HERC2: variants seen among roughly 807,000 people sequenced by gnomAD.
HERC2 encodes the protein E3 ubiquitin-protein ligase HERC2.
HERC2 carries 102 observed loss-of-function variants against 537.7 expected under a neutral mutation model. The observed-to-expected ratio is 0.19, with a 90% confidence interval of 0.16 to 0.22. The LOEUF (loss-of-function observed/expected upper bound fraction) is 0.22. Among genes scored for constraint, HERC2 ranks in the 10% least tolerant of loss-of-function variants. The probability of loss-of-function intolerance (pLI) is 1.00; values close to 1 mark genes in which losing one functional copy is unlikely to be tolerated. For missense variants in HERC2, 4,236 were observed against 6,198.2 expected (o/e 0.68, Z 10.63); for synonymous variants, 2,224 against 2,466.2 (o/e 0.90, Z 2.91).
chr15:28,316,463 G>C (rs2077088760), intron 2 of HERC2, among the ~76,000 whole-genome samples: 1 of 151,968 alleles, frequency 6.6e-6, no homozygotes, highest in Admixed American at 6.6e-5. Context: ...AACAAAGAAA[G>C]ACCCTGCCTC....
rs185936147 is a variant in HERC2, at chr15:28,307,612, T to C, written c.73-8096A>G. ...ATTTCTTCACTGACCTGTTGGTCAT[T>C]CAGGAGCATATTGTTTAATTCCCAT... is the stretch of plus-strand genomic sequence containing the variant. On this transcript the variant is annotated intron_variant, in intron 2 of 92. Transcript: ENST00000261609. Among the ~76,000 whole-genome samples, 405 of 152,368 alleles carry C rather than the reference T, an allele frequency of 2.7e-3. 2 individuals carry two copies. Among genetic ancestry groups the C allele is most frequent in the Non-Finnish European group, 4.2e-3 (284 of 68,036 alleles).
At position 28,257,115 on chromosome 15, in the gene HERC2, C is replaced by T. The variant is rs139813405; in HGVS notation, c.2463G>A (p.Pro821=). 93 of 1,613,590 alleles carry T rather than the reference C, an allele frequency of 5.8e-5. No individual in the cohort carries two copies. The African/African-American group carries it at 9.7e-4, about 17-fold the overall frequency. The change falls in exon 17 of 93, where the codon CCG becomes CCA. Residue 821 remains proline (P), a synonymous_variant. Transcript: ENST00000261609. The part of the protein sequence containing the change: ...EGMDGSADWP[P]PQEKECVAVA... Reference sequence around the variant, plus strand: ...CGGCCACACACTCTTTCTCCTGGGGCGGGGGCCAGTCCGCGGAACCATCCA... The same window carrying T: ...CGGCCACACACTCTTTCTCCTGGGGTGGGGGCCAGTCCGCGGAACCATCCA...
chr15:28,111,125 T>C lies in HERC2; in HGVS notation c.*638A>G, dbSNP rs1327403943. ...ATTATATATAGTACACTTTCCATGA[T>C]AGAAGTTATGATGCTGTTCACAGAA... On this transcript the variant is annotated 3_prime_UTR_variant, in exon 93 of 93. Transcript: ENST00000261609. The C allele has an allele frequency of 2.0e-5, 3 of 152,400 alleles. No individual in the cohort carries two copies. Among genetic ancestry groups the C allele is most frequent in the Non-Finnish European group, 4.4e-5 (3 of 68,160 alleles). The allele number at this position is 152,400 out of a possible 1,614,324, so 9.4% of individuals were successfully genotyped here.
Position 28,292,182 on chromosome 15 carries a change from T to C in HERC2, c.322+706A>G, listed in dbSNP as rs1176954463. ...AGGTGGAGATTGCAATGAGCCAAGA[T>C]TGCACCACTGCACTCCAGCCTGGGC... On this transcript the variant is annotated intron_variant, in intron 4 of 92. Coordinates refer to ENST00000261609, the MANE Select transcript of HERC2 (RefSeq NM_004667.6). Among the ~76,000 whole-genome samples, 74 of 133,760 alleles carry C rather than the reference T, an allele frequency of 5.5e-4. No individual in the cohort carries two copies. The East Asian group carries it at 0.011, about 20-fold the overall frequency. 87.8% of individuals were successfully genotyped at this position (133,760 alleles called of 152,430 possible). A position where few individuals can be genotyped will look rare whatever the true frequency, so the allele number is the denominator to read the frequency against.
chr15:28,251,182 C>T (rs1430779417), intron 20 of HERC2, among the ~76,000 whole-genome samples: 1 of 152,206 alleles, frequency 6.6e-6, no homozygotes, highest in Non-Finnish European at 1.5e-5. Context: ...GTGGCTCACA[C>T]CTGTAATCCC....
At position 28,197,977 on chromosome 15, in the gene HERC2, T is replaced by A. The variant is rs564144545; in HGVS notation, c.8011+401A>T. ...TATCCTGGTGATATGAATGACTACT[T>A]CCTTACCAATCATGACGTTAGCATG... is the stretch of plus-strand genomic sequence containing the variant. On this transcript the variant is annotated intron_variant, in intron 50 of 92. Transcript: ENST00000261609. Among the ~76,000 whole-genome samples, 74 of 152,252 alleles carry A rather than the reference T, an allele frequency of 4.9e-4. No homozygotes were observed. In the East Asian group the frequency reaches 9.5e-3, roughly 19 times the overall value.
intron 7 of HERC2, 111 bp downstream of exon 7, chr15:28,274,180 A>C: frequency 2.0e-6 from 2 of 1,012,762 alleles, no homozygotes; most frequent in Middle Eastern, 2.1e-4. Context: ...CGCTGAAAAC[A>C]GGTGAAAAAC....
intron 16 of HERC2, 121 bp from the exon 17 acceptor site, chr15:28,257,382 G>T: frequency 1.3e-6 from 1 of 778,478 alleles, no homozygotes; most frequent in Non-Finnish European, 2.1e-6. Context: ...CCCTCGAACT[G>T]CCCAGTCCAA....
rs758809724 is a variant in HERC2, at chr15:28,274,473, GC to G, written c.644-27del. 33 of 1,581,130 alleles carry G rather than the reference GC, an allele frequency of 2.1e-5. No individual in the cohort carries two copies. The Middle Eastern group carries it at 5.5e-4, about 27-fold the overall frequency. On this transcript the variant is annotated intron_variant, in intron 6 of 92. Transcript: ENST00000261609. ...CTGGGCGCACACACGCGTCAGAGGA[GC>G]CCCCCCACTCCCCTCACTCTCCCGC... is the stretch of plus-strand genomic sequence containing the variant.
Position 28,132,379 on chromosome 15 carries a change from A to G in HERC2, c.12409-118T>C. 3.0e-6 allele frequency: 3 copies of G among 1,003,152 alleles called. No individual in the cohort carries two copies. In the South Asian group the frequency reaches 6.2e-5, roughly 21 times the overall value. 62.1% of individuals were successfully genotyped at this position (1,003,152 alleles called of 1,614,324 possible). A position where few individuals can be genotyped will look rare whatever the true frequency, so the allele number is the denominator to read the frequency against. ...GGGTACCTGTTTTAAGCCTTTACAA[A>G]GAGGTGATTTCTAAAATCCTATAAG... is the stretch of plus-strand genomic sequence containing the variant. On this transcript the variant is annotated intron_variant, in intron 80 of 92. Transcript: ENST00000261609.
At chr15:28,194,293 C>T (rs563374890) in intron 52 of HERC2, among the ~76,000 whole-genome samples, 236 of 147,188 alleles carry the variant, frequency 1.6e-3, no homozygotes, top group African/African-American at 5.5e-3. Flanking sequence ...TCTCGATCTC[C>T]TGACCTCGTG....
intron 4 of HERC2, among the ~76,000 whole-genome samples, chr15:28,290,673 A>G (rs1356194326): frequency 1.3e-5 from 2 of 152,244 alleles, no homozygotes; most frequent in African/African-American, 4.8e-5. Context: ...GAAAATCCCC[A>G]AATACTTGGA....
chr15:28,264,665 T>C (rs2075513066), intron 14 of HERC2, among the ~76,000 whole-genome samples: 1 of 152,324 alleles, frequency 6.6e-6, no homozygotes, highest in South Asian at 2.1e-4. Context: ...TCGCAAACTT[T>C]AACTAAAGTA....
intron 55 of HERC2, chr15:28,190,209 C>CG (rs1896723739): frequency 7.5e-6 from 1 of 132,504 alleles, no homozygotes; most frequent in South Asian, 2.4e-4. Context: ...TTAGTAGAGA[C>CG]GGGGTTTAAC....
intron 39 of HERC2, among the ~76,000 whole-genome samples, chr15:28,215,414 C>T (rs183724784): frequency 2.1e-4 from 32 of 152,240 alleles, no homozygotes; most frequent in African/African-American, 7.5e-4. Flanking sequence ...GCAGGATTTA[C>T]CACTTAAGAG....
At chr15:28,294,024 T>C (rs2076394101) in intron 3 of HERC2, among the ~76,000 whole-genome samples, 1 of 152,342 alleles carries the variant, frequency 6.6e-6, no homozygotes, top group East Asian at 1.9e-4. Flanking sequence ...AAAGACACGA[T>C]ATCCCATCCA....
rs1566972943 is a variant in HERC2, at chr15:28,176,118, A to G, written c.9686+310T>C. ...CTTTTTCAGGATCAAAGGATTCAGA[A>G]GGCTATTTTGCTCCATTTTATCCTT... is the stretch of plus-strand genomic sequence containing the variant. On this transcript the variant is annotated intron_variant, in intron 63 of 92. Transcript: ENST00000261609. The surrounding 1 kb of genome is among the most constrained non-coding windows in gnomAD (Gnocchi z 5.0). Among the ~76,000 whole-genome samples, 1 of 152,234 alleles carries G rather than the reference A, an allele frequency of 6.6e-6. No homozygotes were observed. The highest frequency in any genetic ancestry group is 1.5e-5 in the Non-Finnish European group (1 of 68,040).
chr15:28,228,539 G>T, intron 34 of HERC2, 130 bp from the exon 35 acceptor site: 1 of 828,116 alleles, frequency 1.2e-6, no homozygotes, highest in Non-Finnish European at 1.9e-6. Context: ...CTGCATGGAT[G>T]CAAGAATAAA....
intron 4 of HERC2, among the ~76,000 whole-genome samples, chr15:28,291,862 G>T (rs565321954): frequency 7.9e-6 from 1 of 127,384 alleles, no homozygotes; most frequent in Admixed American, 9.8e-5. Context: ...CCAAGATCAC[G>T]CCACTGTACT....
Sources: allele counts gnomAD v4.1 joint callset (sites outside exome capture counted in the v4.1 genomes callset), GRCh38; gene constraint gnomAD v4.1.1; non-coding constraint Gnocchi (gnomAD v3.1); transcripts MANE v1.5; gene names NCBI Gene and HGNC (gene_info 2026-07-23, HGNC 2026-07-21).